The following SLC35F2 variants were observed in gnomAD, a reference collection of about 807,000 sequenced individuals.
SLC35F2 encodes the protein queuine/queuosine transporter SLC35F2.
In SLC35F2, 25 loss-of-function variants were observed where a neutral mutation model predicts 38.1. That is an observed-to-expected ratio of 0.66 (90% CI 0.48 to 0.92). The LOEUF (loss-of-function observed/expected upper bound fraction) is 0.92. Ranked by LOEUF, SLC35F2 falls within the 40% of genes least tolerant of loss-of-function variation. The pLI is 0.00. For missense variants in SLC35F2, 409 were observed against 452.9 expected, an observed-to-expected ratio of 0.90 and a Z score of 0.88; for synonymous variants, 173 against 181.7, an observed-to-expected ratio of 0.95 and a Z score of 0.38.
At chr11:107,793,809 G>A (rs562286569) in intron 7 of SLC35F2, among the ~76,000 whole-genome samples, 117 of 152,118 alleles carry the variant, frequency 7.7e-4, no homozygotes, top group Middle Eastern at 6.8e-3. Flanking sequence ...TTCCCAGAAG[G>A]ACCAAAAAGA....
At position 107,834,003 on chromosome 11, in the gene SLC35F2, C is replaced by T. The variant is rs183239249; in HGVS notation, c.111-18038G>A. Among the ~76,000 whole-genome samples, 7 of 152,320 alleles carry T rather than the reference C, an allele frequency of 4.6e-5. No individual in the cohort carries two copies. In the South Asian group the frequency reaches 8.3e-4, roughly 18 times the overall value. ...TTAGATATAGATGCTATGCCGGACA[C>T]GGACTCAAGGCTTTATGTTGTTATC... On this transcript the variant is annotated intron_variant, in intron 1 of 7. Transcript: ENST00000525815.
At chr11:107,855,921 T>C (rs1860271401) in intron 1 of SLC35F2, among the ~76,000 whole-genome samples, 1 of 151,624 alleles carries the variant, frequency 6.6e-6, no homozygotes, top group African/African-American at 2.4e-5. Flanking sequence ...AAGACCAGCC[T>C]GGCCAACATG....
intron 1 of SLC35F2, among the ~76,000 whole-genome samples, chr11:107,834,367 G>A (rs1004206052): frequency 1.3e-5 from 2 of 152,074 alleles, no homozygotes; most frequent in Admixed American, 1.3e-4. Flanking sequence ...AATGAATGAA[G>A]CGGCTGGGCG....
At chr11:107,801,130 C>A (rs1171940271) in intron 7 of SLC35F2, among the ~76,000 whole-genome samples, 2 of 152,100 alleles carry the variant, frequency 1.3e-5, no homozygotes, top group Non-Finnish European at 2.9e-5. Context: ...TGGTCTCGAA[C>A]CCTTGACTTC....
chr11:107,852,629 G>C (rs1383663963), intron 1 of SLC35F2, among the ~76,000 whole-genome samples: 2 of 151,994 alleles, frequency 1.3e-5, no homozygotes, highest in African/African-American at 2.4e-5. Flanking sequence ...CAGCACTTTG[G>C]AGGGGGCCGA....
At chr11:107,807,536 A>C (rs1377477586) in intron 3 of SLC35F2, among the ~76,000 whole-genome samples, 3 of 151,620 alleles carry the variant, frequency 2.0e-5, no homozygotes, top group Non-Finnish European at 4.4e-5. Context: ...CTTTACCTCT[A>C]TGCTCCCACC....
intron 1 of SLC35F2, among the ~76,000 whole-genome samples, chr11:107,828,453 A>G (rs1192350099): frequency 6.6e-6 from 1 of 150,942 alleles, no homozygotes; most frequent in Non-Finnish European, 1.5e-5. Context: ...AAAAAAAAAT[A>G]GCAATACTAA....
At chr11:107,830,709 A>T (rs1226239704) in intron 1 of SLC35F2, among the ~76,000 whole-genome samples, 2 of 152,156 alleles carry the variant, frequency 1.3e-5, no homozygotes, top group African/African-American at 4.8e-5. Flanking sequence ...TGTTCAGACA[A>T]GCCAAAACAT....
chr11:107,852,457 A>C (rs1860201672), intron 1 of SLC35F2, among the ~76,000 whole-genome samples: 1 of 151,984 alleles, frequency 6.6e-6, no homozygotes, highest in Admixed American at 6.6e-5. Context: ...AGGCTGAGGC[A>C]GGAGAATCAC....
chr11:107,858,780 G>T lies in SLC35F2; in HGVS notation c.-13C>A. 1 of 1,252,538 alleles carries T rather than the reference G, an allele frequency of 8.0e-7. No homozygotes were observed. The highest frequency in any genetic ancestry group is 1.0e-6 in the Non-Finnish European group (1 of 990,618). 77.6% of individuals were successfully genotyped at this position (1,252,538 alleles called of 1,614,324 possible). A position where few individuals can be genotyped will look rare whatever the true frequency, so the allele number is the denominator to read the frequency against. ...AGTCTGCCTCCATCGGCGCCCTTGC[G>T]CGTCTCCGGCGCCCAAAACCCCCGA... On this transcript the variant is annotated 5_prime_UTR_variant, in exon 1 of 8. Coordinates refer to ENST00000525815, the MANE Select transcript of SLC35F2 (RefSeq NM_017515.5).
chr11:107,826,042 T>C (rs566055986), intron 1 of SLC35F2, among the ~76,000 whole-genome samples: 7 of 152,108 alleles, frequency 4.6e-5, no homozygotes, highest in Non-Finnish European at 8.8e-5. Flanking sequence ...GCACTATTTA[T>C]ACTAGCAAAA....
rs1859813638 is a variant in SLC35F2, at chr11:107,830,060, G to A, written c.111-14095C>T. Among the ~76,000 whole-genome samples, 3 of 151,920 alleles carry A rather than the reference G, an allele frequency of 2.0e-5. No homozygotes were observed. In the South Asian group the frequency reaches 6.3e-4, roughly 32 times the overall value. ...GAGGATCACCTAAGGCCACAAGTTG[G>A]AGACCAGCCTGGGCAAAATAGCAAG... On this transcript the variant is annotated intron_variant, in intron 1 of 7. Coordinates refer to ENST00000525815, the MANE Select transcript of SLC35F2 (RefSeq NM_017515.5).
At chr11:107,805,670 G>C (rs926370523) in intron 4 of SLC35F2, 155 bp from the exon 5 acceptor site, 3 of 979,700 alleles carry the variant, frequency 3.1e-6, no homozygotes, top group Non-Finnish European at 3.6e-6. Flanking sequence ...GTGTGTGTGT[G>C]TATGTGTGTG....
intron 1 of SLC35F2, among the ~76,000 whole-genome samples, chr11:107,838,427 CGATT>C (rs1859962914): frequency 6.6e-6 from 1 of 152,066 alleles, no homozygotes; most frequent in Non-Finnish European, 1.5e-5. Context: ...TGGGTTCAAG[CGATT>C]CTCCTGACTC....
At chr11:107,795,530 T>A (rs1397951679) in intron 7 of SLC35F2, among the ~76,000 whole-genome samples, 1 of 152,132 alleles carries the variant, frequency 6.6e-6, no homozygotes, top group South Asian at 2.1e-4. Context: ...AGTGAAAAGA[T>A]AACCTCCTGA....
At chr11:107,829,487 T>C (rs2134821427) in intron 1 of SLC35F2, among the ~76,000 whole-genome samples, 1 of 152,140 alleles carries the variant, frequency 6.6e-6, no homozygotes, top group African/African-American at 2.4e-5. Context: ...CACCATGCTA[T>C]GACACAGTAT....
In SLC35F2 at chr11:107,843,550, C is replaced by CAA. The variant is rs754451857; in HGVS notation, c.110+15106_110+15107dup. 4.8e-3 allele frequency among the ~76,000 whole-genome samples: 549 copies of CAA among 115,232 alleles called. 3 individuals carry two copies. Among genetic ancestry groups the CAA allele is most frequent in the African/African-American group, 0.016 (504 of 31,412 alleles). The allele number at this position is 115,232 out of a possible 152,430, so 75.6% of individuals were successfully genotyped here. On this transcript the variant is annotated intron_variant, in intron 1 of 7. Coordinates refer to ENST00000525815, the MANE Select transcript of SLC35F2 (RefSeq NM_017515.5). Reference sequence around the variant, plus strand: ...GGGCAACAAAAGCGAAACTTTGTCTCAAAAAAAAAAAAAAATTAATTGAGG... The same window carrying CAA: ...GGGCAACAAAAGCGAAACTTTGTCTCAAAAAAAAAAAAAAAAATTAATTGAGG...
chr11:107,857,550 A>G lies in SLC35F2; in HGVS notation c.110+1108T>C, dbSNP rs553789951. Among the ~76,000 whole-genome samples, 3 of 152,340 alleles carry G rather than the reference A, an allele frequency of 2.0e-5. No homozygotes were observed. In the South Asian group the frequency reaches 6.2e-4, roughly 32 times the overall value. On this transcript the variant is annotated intron_variant, in intron 1 of 7. Coordinates refer to ENST00000525815, the MANE Select transcript of SLC35F2 (RefSeq NM_017515.5). Reference sequence around the variant, plus strand: ...GATGCTACAAGGTGGTTTTCGGCCAACTTTCCCCTTTAAACACATGCATCA... The same window carrying G: ...GATGCTACAAGGTGGTTTTCGGCCAGCTTTCCCCTTTAAACACATGCATCA...
At chr11:107,809,635 A>G in intron 3 of SLC35F2, 1 of 949,984 alleles carries the variant, frequency 1.1e-6, no homozygotes, top group Non-Finnish European at 1.3e-6. Flanking sequence ...CCTTCTCAGA[A>G]AAAAAAAAAG....
Sources: gnomAD v4.1 joint callset for allele counts (sites outside exome capture counted in the v4.1 genomes callset) on GRCh38, gnomAD v4.1.1 for gene constraint, MANE v1.5 for transcripts, NCBI Gene and HGNC (gene_info 2026-07-23, HGNC 2026-07-21) for gene names.